GABRG3: variants seen among roughly 807,000 people sequenced by gnomAD.
The protein encoded by GABRG3 is gamma-aminobutyric acid receptor subunit gamma-3.
GABRG3 carries 25 observed loss-of-function variants against 48.8 expected under a neutral mutation model. That is an observed-to-expected ratio of 0.51 (90% confidence interval 0.37 to 0.72). GABRG3 has a LOEUF of 0.72. Among genes scored for constraint, GABRG3 ranks in the 30% least tolerant of loss-of-function variants. The pLI, the probability that GABRG3 is intolerant of heterozygous loss-of-function variation, is 0.00. For synonymous variants in GABRG3, 227 were observed against 217.6 expected (o/e 1.04, Z -0.38); for missense variants, 394 against 577.9 (o/e 0.68, Z 3.26).
At chr15:27,304,720 A>G (rs919110799) in intron 3 of GABRG3, among the ~76,000 whole-genome samples, 1 of 152,024 alleles carries the variant, frequency 6.6e-6, no homozygotes, top group African/African-American at 2.4e-5. Flanking sequence ...AGATAATTCA[A>G]GGTAATCTTC....
At chr15:27,035,987 C>T (rs1273494818) in intron 3 of GABRG3, among the ~76,000 whole-genome samples, 2 of 152,196 alleles carry the variant, frequency 1.3e-5, no homozygotes, top group Admixed American at 6.5e-5. Flanking sequence ...GGGTGACTCA[C>T]ATCCTAACAG....
chr15:27,338,636 A>C (rs1894059516), intron 5 of GABRG3, among the ~76,000 whole-genome samples: 1 of 152,094 alleles, frequency 6.6e-6, no homozygotes. Flanking sequence ...GCCCCCAGGG[A>C]GGCACCATGT....
intron 3 of GABRG3, among the ~76,000 whole-genome samples, chr15:27,282,595 G>A (rs577341206): frequency 4.0e-4 from 61 of 152,004 alleles, no homozygotes; most frequent in Non-Finnish European, 7.5e-4. Context: ...TTGTGTATGC[G>A]ATTTTTCATT....
intron 3 of GABRG3, among the ~76,000 whole-genome samples, chr15:27,138,594 C>T (rs981588354): frequency 1.4e-4 from 21 of 152,222 alleles, no homozygotes; most frequent in African/African-American, 4.3e-4. Flanking sequence ...TTCCTGTGCA[C>T]TTGGAGTGCC....
In GABRG3 at chr15:27,298,942, A is replaced by ACCCAGAAC. The variant is rs1892098130; in HGVS notation, c.271-27867_271-27866insCCCAGAAC. Among the ~76,000 whole-genome samples, 3 of 152,288 alleles carry ACCCAGAAC rather than the reference A, an allele frequency of 2.0e-5. No individual in the cohort carries two copies. The South Asian group carries it at 6.2e-4, about 32-fold the overall frequency. ...AAAAATAAGTTCCTGTTCTGGGTTA[A>ACCCAGAAC]ATGAACAACAACAACAAAAAATGCT... is the stretch of plus-strand genomic sequence containing the variant. On this transcript the variant is annotated intron_variant, in intron 3 of 9. Transcript: ENST00000615808.
intron 3 of GABRG3, among the ~76,000 whole-genome samples, chr15:27,083,709 G>A (rs1335133475): frequency 6.6e-6 from 1 of 152,152 alleles, no homozygotes; most frequent in Admixed American, 6.5e-5. Context: ...GCCTCATGAA[G>A]GATGTTGAAA....
chr15:27,472,656 A>C (rs894716896), intron 5 of GABRG3, among the ~76,000 whole-genome samples: 2 of 152,156 alleles, frequency 1.3e-5, no homozygotes, highest in African/African-American at 4.8e-5. Context: ...ATGTTAACTA[A>C]TATGTACAAC....
At chr15:27,517,768 T>A (rs2150861182) in intron 6 of GABRG3, among the ~76,000 whole-genome samples, 1 of 152,308 alleles carries the variant, frequency 6.6e-6, no homozygotes, top group Non-Finnish European at 1.5e-5. Flanking sequence ...ATAATTCAAA[T>A]CACATTTCCT....
intron 3 of GABRG3, among the ~76,000 whole-genome samples, chr15:27,183,078 G>T (rs1395650286): frequency 6.6e-6 from 1 of 151,918 alleles, no homozygotes; most frequent in East Asian, 1.9e-4. Flanking sequence ...AATCCTTAAT[G>T]TCTAATTTGT....
intron 6 of GABRG3, among the ~76,000 whole-genome samples, chr15:27,487,320 T>C (rs1279217613): frequency 1.3e-5 from 2 of 152,236 alleles, no homozygotes; most frequent in Non-Finnish European, 2.9e-5. Flanking sequence ...TTATAACATT[T>C]AATATATTAT....
chr15:27,248,270 T>C (rs889670839), intron 3 of GABRG3, among the ~76,000 whole-genome samples: 2 of 152,158 alleles, frequency 1.3e-5, no homozygotes, highest in African/African-American at 4.8e-5. Flanking sequence ...CGCGCCCTCC[T>C]AGGAGCAGGT....
chr15:27,101,198 AGTT>A (rs1365202495), intron 3 of GABRG3, among the ~76,000 whole-genome samples: 1 of 152,364 alleles, frequency 6.6e-6, no homozygotes, highest in Admixed American at 6.5e-5. Context: ...AAAACATAAT[AGTT>A]TTTACAGTTG....
At chr15:27,209,304 A>G (rs1236142176) in intron 3 of GABRG3, among the ~76,000 whole-genome samples, 1 of 152,202 alleles carries the variant, frequency 6.6e-6, no homozygotes, top group Non-Finnish European at 1.5e-5. Flanking sequence ...AATGGGAAGC[A>G]GTGTTCTTAA....
At chr15:27,181,989 T>A (rs562033432) in intron 3 of GABRG3, among the ~76,000 whole-genome samples, 2 of 148,860 alleles carry the variant, frequency 1.3e-5, no homozygotes, top group South Asian at 4.2e-4. Context: ...TAATATATAA[T>A]ATAATAATAT....
At chr15:27,340,903 G>T (rs959229416) in intron 5 of GABRG3, 1 of 458,914 alleles carries the variant, frequency 2.2e-6, no homozygotes, top group African/African-American at 2.0e-5. Flanking sequence ...ATGTACTTTT[G>T]TGCAGCATTT....
At chr15:27,375,342 AG>A (rs977591940) in intron 5 of GABRG3, among the ~76,000 whole-genome samples, 8 of 152,278 alleles carry the variant, frequency 5.3e-5, no homozygotes, top group Admixed American at 5.2e-4. Context: ...ATTGAGAGAC[AG>A]GAGAGCAGGG....
chr15:27,254,521 C>T (rs1022719428), intron 3 of GABRG3, among the ~76,000 whole-genome samples: 1 of 152,088 alleles, frequency 6.6e-6, no homozygotes, highest in Non-Finnish European at 1.5e-5. Context: ...AAACTCATCT[C>T]TCACAGTTTT....
chr15:27,104,468 G>T (rs28392500), intron 3 of GABRG3, among the ~76,000 whole-genome samples: 36,956 of 152,116 alleles, frequency 0.24, 5,063 homozygotes, highest in East Asian at 0.37. Flanking sequence ...GTTTGTTGTA[G>T]TTTTGTGTAT....
chr15:27,202,263 A>G (rs892854382), intron 3 of GABRG3, among the ~76,000 whole-genome samples: 4 of 152,192 alleles, frequency 2.6e-5, no homozygotes, highest in Non-Finnish European at 4.4e-5. Context: ...TTTTCTATAC[A>G]TTCATTTTTT....
Sources: gnomAD v4.1 joint callset for allele counts (sites outside exome capture counted in the v4.1 genomes callset) on GRCh38, gnomAD v4.1.1 for gene constraint, MANE v1.5 for transcripts, NCBI Gene and HGNC (gene_info 2026-07-23, HGNC 2026-07-21) for gene names.